PTCHD1: variants seen among roughly 807,000 people sequenced by gnomAD.
PTCHD1 encodes the protein patched domain-containing protein 1.
In PTCHD1, 3 loss-of-function variants were observed where a neutral mutation model predicts 34.6. That is an observed-to-expected ratio of 0.09 (90% confidence interval 0.04 to 0.22). PTCHD1 has a LOEUF of 0.22. PTCHD1 is among the 10% of genes least tolerant of loss of function. The pLI is 1.00. For synonymous variants in PTCHD1, 305 were observed against 283.1 expected, an observed-to-expected ratio of 1.08 and a Z score of -0.77; for missense variants, 504 against 685.5, an observed-to-expected ratio of 0.74 and a Z score of 2.96.
chrX:23,348,853 G>C (rs1306607705), intron 1 of PTCHD1, among the ~76,000 whole-genome samples: 1 of 111,505 alleles, frequency 9.0e-6, no homozygotes, highest in Non-Finnish European at 1.9e-5. Context: ...ATAAAGAAGA[G>C]TATTAGAGAA....
At chrX:23,357,966 A>C (rs769731161) in intron 1 of PTCHD1, among the ~76,000 whole-genome samples, 2 of 111,461 alleles carry the variant, frequency 1.8e-5, no homozygotes, top group Middle Eastern at 4.6e-3. Flanking sequence ...AGCTTCATCC[A>C]TGTCCCTACA....
chrX:23,367,141 T>C (rs1239130897), intron 1 of PTCHD1, among the ~76,000 whole-genome samples: 3 of 112,459 alleles, frequency 2.7e-5, no homozygotes, highest in Non-Finnish European at 5.6e-5. Context: ...GATAAAGTTA[T>C]GTCTTAATGT....
chrX:23,367,230 A>G (rs1187279699), intron 1 of PTCHD1, among the ~76,000 whole-genome samples: 11 of 112,068 alleles, frequency 9.8e-5, no homozygotes, highest in Non-Finnish European at 3.8e-5. Flanking sequence ...CATCATTGCT[A>G]TAATTGGTGA....
At position 23,334,849 on chromosome X, in the gene PTCHD1, C is replaced by T. The variant is rs1198307397; in HGVS notation, c.-27C>T. 3.7e-6 allele frequency: 4 copies of T among 1,088,271 alleles called. No homozygotes were observed. In the East Asian group the frequency reaches 1.4e-4, roughly 39 times the overall value. 89.7% of individuals were successfully genotyped at this position (1,088,271 alleles called of 1,213,427 possible). On this transcript the variant is annotated 5_prime_UTR_variant, in exon 1 of 3. Coordinates refer to ENST00000379361, the MANE Select transcript of PTCHD1 (RefSeq NM_173495.3). Reference sequence around the variant, plus strand: ...ACCCGCGCCGAGCGTGCGCCTCGCCCTCCTCCCGCGCCCGCTCTGCTCTAG... The same window carrying T: ...ACCCGCGCCGAGCGTGCGCCTCGCCTTCCTCCCGCGCCCGCTCTGCTCTAG...
At chrX:23,376,593 G>C (rs1415570857) in intron 1 of PTCHD1, among the ~76,000 whole-genome samples, 1 of 112,485 alleles carries the variant, frequency 8.9e-6, no homozygotes, top group African/African-American at 3.2e-5. Context: ...GGATTTCCAA[G>C]AGTGGATTGT....
At position 23,394,813 on chromosome X, in the gene PTCHD1, T is replaced by C. The variant is rs1233037400; in HGVS notation, c.*628T>C. 1.8e-5 allele frequency: 2 copies of C among 113,109 alleles called. No individual in the cohort carries two copies. The highest frequency in any genetic ancestry group is 5.5e-4 in the East Asian group (2 of 3,605). 9.3% of individuals were successfully genotyped at this position (113,109 alleles called of 1,213,427 possible). A position where few individuals can be genotyped will look rare whatever the true frequency, so the allele number is the denominator to read the frequency against. ...TCATGGACTAAAATTGATTCACCGC[T>C]AAATTTACCCAGGTGAAGCAGTTTC... On this transcript the variant is annotated 3_prime_UTR_variant, in exon 3 of 3. Coordinates refer to ENST00000379361, the MANE Select transcript of PTCHD1 (RefSeq NM_173495.3).
chrX:23,347,732 G>A (rs1369222696), intron 1 of PTCHD1, among the ~76,000 whole-genome samples: 2 of 112,063 alleles, frequency 1.8e-5, no homozygotes, highest in African/African-American at 3.2e-5. Context: ...AAGGCCAGGC[G>A]AGGTGGCTCA....
At chrX:23,367,586 T>G (rs1922180021) in intron 1 of PTCHD1, among the ~76,000 whole-genome samples, 1 of 111,087 alleles carries the variant, frequency 9.0e-6, no homozygotes, top group South Asian at 3.8e-4. Flanking sequence ...ATGGATGCAC[T>G]CCACCTCTAA....
Position 23,400,781 on chromosome X carries a change from C to A in PTCHD1, c.*6596C>A, listed in dbSNP as rs1923097122. 1 of 111,674 alleles carries A rather than the reference C, an allele frequency of 9.0e-6. No individual in the cohort carries two copies. Among genetic ancestry groups the A allele is most frequent in the South Asian group, 3.8e-4 (1 of 2,641 alleles). 9.2% of individuals were successfully genotyped at this position (111,674 alleles called of 1,213,427 possible). On this transcript the variant is annotated 3_prime_UTR_variant, in exon 3 of 3. Transcript: ENST00000379361. ...GCCCAGCCATGATAAGGAAAGCCTT[C>A]TATTGAGATGGAGGAATATTAGCTC... is the stretch of plus-strand genomic sequence containing the variant.
At chrX:23,342,222 TA>T (rs2146609305) in intron 1 of PTCHD1, among the ~76,000 whole-genome samples, 1 of 98,391 alleles carries the variant, frequency 1.0e-5, no homozygotes, top group South Asian at 4.7e-4. Flanking sequence ...CAACTACATT[TA>T]GAAGCATTAA....
At chrX:23,342,296 ATATATATATATATATTTT>A (rs1397862407) in intron 1 of PTCHD1, among the ~76,000 whole-genome samples, 3 of 13,148 alleles carry the variant, frequency 2.3e-4, no homozygotes, top group Admixed American at 9.7e-4. Flanking sequence ...ATATATATAT[ATATATATATATATATTTT>A]TTTTTTTTTT....
At chrX:23,366,921 T>TACACACACACAC (rs61606231) in intron 1 of PTCHD1, among the ~76,000 whole-genome samples, 3 of 99,381 alleles carry the variant, frequency 3.0e-5, no homozygotes, top group African/African-American at 1.1e-4. Flanking sequence ...ATGCTCCTGG[T>TACACACACACAC]ACACACACAC....
At chrX:23,377,491 G>T (rs5925762) in intron 1 of PTCHD1, among the ~76,000 whole-genome samples, 14,815 of 110,300 alleles carry the variant, frequency 0.13, 967 homozygotes, top group Non-Finnish European at 0.21. Flanking sequence ...TTAAAATCAT[G>T]GAAGACATTT....
rs1440231273 is a variant in PTCHD1 at position 23,395,227 on chromosome X, G to A, written c.*1042G>A. ...GAAACATCTGCCCACACAAAACTGC[G>A]GGGAAAAAAAATGAACACTGAAATA... On this transcript the variant is annotated 3_prime_UTR_variant, in exon 3 of 3. Coordinates refer to ENST00000379361, the MANE Select transcript of PTCHD1 (RefSeq NM_173495.3). 3 of 112,050 alleles carry A rather than the reference G, an allele frequency of 2.7e-5. No individual in the cohort carries two copies. The highest frequency in any genetic ancestry group is 9.7e-5 in the African/African-American group (3 of 30,783). 9.2% of individuals were successfully genotyped at this position (112,050 alleles called of 1,213,427 possible).
intron 1 of PTCHD1, among the ~76,000 whole-genome samples, chrX:23,378,089 T>C (rs767451633): frequency 5.4e-5 from 6 of 112,122 alleles, no homozygotes; most frequent in African/African-American, 1.9e-4. Context: ...TACTTAACAC[T>C]CAACTACATG....
intron 1 of PTCHD1, among the ~76,000 whole-genome samples, chrX:23,346,561 T>C (rs1432506168): frequency 8.9e-6 from 1 of 111,920 alleles, no homozygotes; most frequent in Non-Finnish European, 1.9e-5. Flanking sequence ...ATATCTAGAA[T>C]GATCAGATAC....
chrX:23,378,846 C>A (rs755492776), intron 1 of PTCHD1, among the ~76,000 whole-genome samples: 174 of 112,397 alleles, frequency 1.5e-3, no homozygotes, highest in South Asian at 5.9e-3. Flanking sequence ...TACCTGGGCA[C>A]AGCAAATTCG....
At chrX:23,362,087 T>C (rs1044690115) in intron 1 of PTCHD1, among the ~76,000 whole-genome samples, 2 of 112,383 alleles carry the variant, frequency 1.8e-5, no homozygotes, top group Non-Finnish European at 3.8e-5. Flanking sequence ...TTAACATTTT[T>C]TCCTTCATTT....
intron 1 of PTCHD1, among the ~76,000 whole-genome samples, chrX:23,352,185 T>C (rs1921655872): frequency 9.0e-6 from 1 of 111,700 alleles, no homozygotes. Flanking sequence ...TGGCAGCAAG[T>C]TGGTAATTCC....
Sources: gnomAD v4.1 joint callset for allele counts (sites outside exome capture counted in the v4.1 genomes callset) on GRCh38, gnomAD v4.1.1 for gene constraint, MANE v1.5 for transcripts, NCBI Gene and HGNC (gene_info 2026-07-23, HGNC 2026-07-21) for gene names.